ATRNL1: variants seen among roughly 807,000 people sequenced by gnomAD.
The protein encoded by ATRNL1 is attractin-like protein 1.
ATRNL1 carries 95 observed loss-of-function variants against 182.7 expected under a neutral mutation model. The observed-to-expected ratio is 0.52, with a 90% confidence interval of 0.44 to 0.62. ATRNL1 has a LOEUF of 0.62. Ranked by LOEUF, ATRNL1 falls within the 20% of genes least tolerant of loss-of-function variation. ATRNL1 has a pLI of 0.00. For synonymous variants in ATRNL1, 576 were observed against 568.3 expected (o/e 1.01, Z -0.19); for missense variants, 1,471 against 1,679.5 (o/e 0.88, Z 2.17).
At chr10:115,271,154 A>G (rs1851842919) in intron 13 of ATRNL1, among the ~76,000 whole-genome samples, 1 of 139,552 alleles carries the variant, frequency 7.2e-6, no homozygotes, top group African/African-American at 2.6e-5. Flanking sequence ...GAAGAAAGAA[A>G]ACAAAGATAT....
chr10:115,107,746 C>T (rs1844078438), intron 1 of ATRNL1, among the ~76,000 whole-genome samples: 1 of 152,238 alleles, frequency 6.6e-6, no homozygotes, highest in Non-Finnish European at 1.5e-5. Context: ...GCAGAATTGG[C>T]ACCACATGGA....
chr10:115,387,311 G>A (rs782420588), intron 19 of ATRNL1, among the ~76,000 whole-genome samples: 137 of 152,252 alleles, frequency 9.0e-4, no homozygotes, highest in Non-Finnish European at 1.2e-3. Flanking sequence ...TATTACCGAA[G>A]CTATGCAAAC....
intron 27 of ATRNL1, among the ~76,000 whole-genome samples, chr10:115,788,785 T>A (rs1949456189): frequency 6.6e-6 from 1 of 152,224 alleles, no homozygotes; most frequent in Non-Finnish European, 1.5e-5. Flanking sequence ...TAGACCTACA[T>A]AATCTATAAG....
chr10:115,696,954 C>G (rs1555050050), intron 26 of ATRNL1, among the ~76,000 whole-genome samples: 1 of 151,704 alleles, frequency 6.6e-6, no homozygotes, highest in Non-Finnish European at 1.5e-5. Flanking sequence ...CTCATGAGAA[C>G]ACAGTCACTA....
Position 115,279,063 on chromosome 10 carries a change from G to A in ATRNL1, c.2101-2292G>A, listed in dbSNP as rs201100419. Among the ~76,000 whole-genome samples the A allele has an allele frequency of 2.6e-5, 4 of 151,858 alleles. No individual in the cohort carries two copies. In the East Asian group the frequency reaches 7.8e-4, roughly 29 times the overall value. On this transcript the variant is annotated intron_variant, in intron 13 of 28. Coordinates refer to ENST00000355044, the MANE Select transcript of ATRNL1 (RefSeq NM_207303.4). Reference sequence around the variant, plus strand: ...TAAAAATACAAAAAATTAGCCGGGTGTGGTGGTGGGCGCCTGTATTCCCAG... The same window carrying A: ...TAAAAATACAAAAAATTAGCCGGGTATGGTGGTGGGCGCCTGTATTCCCAG...
intron 17 of ATRNL1, among the ~76,000 whole-genome samples, chr10:115,307,331 T>C (rs559221709): frequency 2.0e-4 from 31 of 152,260 alleles, no homozygotes; most frequent in African/African-American, 7.5e-4. Flanking sequence ...GGCACAATCT[T>C]GGCCCAGTGC....
At chr10:115,429,790 G>A (rs556962488) in intron 21 of ATRNL1, among the ~76,000 whole-genome samples, 1 of 151,862 alleles carries the variant, frequency 6.6e-6, no homozygotes, top group Non-Finnish European at 1.5e-5. Flanking sequence ...TTTTCTGGCC[G>A]GGCGCTGTGG....
At chr10:115,899,500 G>T (rs893524905) in intron 28 of ATRNL1, among the ~76,000 whole-genome samples, 4 of 152,054 alleles carry the variant, frequency 2.6e-5, no homozygotes, top group African/African-American at 9.7e-5. Context: ...TAGAGATGGG[G>T]TTCCTCCATG....
At chr10:115,551,387 G>T (rs1554995498) in intron 26 of ATRNL1, among the ~76,000 whole-genome samples, 9 of 151,312 alleles carry the variant, frequency 5.9e-5, no homozygotes. Flanking sequence ...AATATATGTG[G>T]TAGATGTGGA....
chr10:115,416,101 T>C (rs1845376547), intron 20 of ATRNL1, among the ~76,000 whole-genome samples: 1 of 152,088 alleles, frequency 6.6e-6, no homozygotes, highest in South Asian at 2.1e-4. Context: ...GGAGTTTTCA[T>C]TGAATCACAT....
chr10:115,585,371 T>C (rs1430945199), intron 26 of ATRNL1, among the ~76,000 whole-genome samples: 1 of 113,958 alleles, frequency 8.8e-6, no homozygotes, highest in Non-Finnish European at 1.9e-5. Context: ...CCATTATTAA[T>C]GTGTGGGAGT....
intron 8 of ATRNL1, among the ~76,000 whole-genome samples, chr10:115,180,034 G>A (rs975375691): frequency 1.3e-4 from 19 of 151,276 alleles, no homozygotes; most frequent in Admixed American, 1.1e-3. Context: ...ACTTTTTTTT[G>A]GTTATTATGC....
chr10:115,340,358 G>T (rs113694040), intron 19 of ATRNL1, among the ~76,000 whole-genome samples: 1 of 151,928 alleles, frequency 6.6e-6, no homozygotes, highest in African/African-American at 2.4e-5. Context: ...AGCCAGGATG[G>T]TCTAGATCTC....
rs756815687 is a variant in ATRNL1 at position 115,413,932 on chromosome 10, T to C, written c.3270-12318T>C. Among the ~76,000 whole-genome samples, 608 of 152,198 alleles carry C rather than the reference T, an allele frequency of 4.0e-3. 2 individuals are homozygous for C. The highest frequency in any genetic ancestry group is 6.8e-3 in the Non-Finnish European group (460 of 67,938). ...ATTTATGTGCACATATAAATATACA[T>C]ATGTGCACATACATGCATACATATG... On this transcript the variant is annotated intron_variant, in intron 20 of 28. Coordinates refer to ENST00000355044, the MANE Select transcript of ATRNL1 (RefSeq NM_207303.4).
chr10:115,341,888 C>G (rs954557851), intron 19 of ATRNL1, among the ~76,000 whole-genome samples: 1 of 151,920 alleles, frequency 6.6e-6, no homozygotes, highest in Admixed American at 6.6e-5. Context: ...ATTCCTTTAT[C>G]ATAGGCTACA....
At chr10:115,220,723 A>T (rs1420769186) in intron 9 of ATRNL1, among the ~76,000 whole-genome samples, 2 of 7,360 alleles carry the variant, frequency 2.7e-4, no homozygotes, top group Non-Finnish European at 5.0e-4. Flanking sequence ...AAATAAAATA[A>T]TGGGGGGGGG....
intron 28 of ATRNL1, among the ~76,000 whole-genome samples, chr10:115,918,318 G>T (rs1312055454): frequency 6.6e-6 from 1 of 152,076 alleles, no homozygotes. Flanking sequence ...GGCCGGGCTG[G>T]TCTTGAACTC....
chr10:115,783,885 C>T (rs1045957102), intron 27 of ATRNL1, among the ~76,000 whole-genome samples: 58 of 152,114 alleles, frequency 3.8e-4, no homozygotes, highest in Non-Finnish European at 7.9e-4. Flanking sequence ...TGGTGGCGGG[C>T]GCCTGTTGTC....
intron 24 of ATRNL1, among the ~76,000 whole-genome samples, chr10:115,476,247 A>G (rs1234475267): frequency 6.6e-6 from 1 of 151,244 alleles, no homozygotes; most frequent in Non-Finnish European, 1.5e-5. Context: ...ATTAATTTCC[A>G]ATTTAGTTTT....
Sources: allele counts gnomAD v4.1 joint callset (sites outside exome capture counted in the v4.1 genomes callset), GRCh38; gene constraint gnomAD v4.1.1; transcripts MANE v1.5; gene names NCBI Gene and HGNC (gene_info 2026-07-23, HGNC 2026-07-21).